Variants in SDK1 observed in about 807,000 individuals in gnomAD.
SDK1 encodes the protein protein sidekick-1.
In SDK1, 157 loss-of-function variants were observed where a neutral mutation model predicts 245.5. The ratio of observed to expected loss-of-function variants is 0.64; its 90% CI spans 0.56 to 0.73. The LOEUF is 0.73. SDK1 is among the 30% of genes least tolerant of loss of function. The probability of loss-of-function intolerance (pLI) is 0.00; values close to 1 mark genes in which losing one functional copy is unlikely to be tolerated. For synonymous variants in SDK1, 1,647 were observed against 1,278.5 expected (o/e 1.29, Z -6.15); for missense variants, 3,583 against 3,002.3 (o/e 1.19, Z -4.52).
At chr7:4,217,145 C>T (rs1329355495) in intron 38 of SDK1, among the ~76,000 whole-genome samples, 3 of 113,668 alleles carry the variant, frequency 2.6e-5, no homozygotes, top group Non-Finnish European at 5.6e-5. Context: ...ACCAGGCCAC[C>T]CGGAGCACCA....
intron 4 of SDK1, among the ~76,000 whole-genome samples, chr7:3,740,917 G>A (rs749223618): frequency 1.3e-5 from 2 of 152,068 alleles, no homozygotes; most frequent in Admixed American, 1.3e-4. Context: ...ATGACATTTT[G>A]TGGTTCATAG....
chr7:3,371,858 C>T (rs766496038), intron 1 of SDK1, among the ~76,000 whole-genome samples: 6 of 152,114 alleles, frequency 3.9e-5, no homozygotes, highest in East Asian at 1.9e-4. Flanking sequence ...CCCTGACAGT[C>T]GGCCAAAATT....
chr7:3,580,489 T>A (rs1375857780), intron 1 of SDK1, among the ~76,000 whole-genome samples: 3 of 152,054 alleles, frequency 2.0e-5, no homozygotes, highest in Non-Finnish European at 4.4e-5. Context: ...GATAAGGCCA[T>A]CACACCTAGA....
chr7:3,794,177 G>A (rs1355283743), intron 4 of SDK1, among the ~76,000 whole-genome samples: 5 of 152,064 alleles, frequency 3.3e-5, no homozygotes, highest in African/African-American at 1.2e-4. Context: ...AAAGGAGAAC[G>A]GCGTGAATGT....
chr7:3,527,112 C>G (rs1783165065), intron 1 of SDK1, among the ~76,000 whole-genome samples: 4 of 152,188 alleles, frequency 2.6e-5, no homozygotes, highest in Admixed American at 2.6e-4. Flanking sequence ...CACATATCTT[C>G]TGATAATTAT....
Position 3,468,405 on chromosome 7 carries a change from C to A in SDK1, c.299-150675C>A, listed in dbSNP as rs977493692. 2.6e-5 allele frequency among the ~76,000 whole-genome samples: 4 copies of A among 152,094 alleles called. 1 individual carries two copies. Among genetic ancestry groups the A allele is most frequent in the African/African-American group, 9.7e-5 (4 of 41,408 alleles). ...TTCTCCTGCCCTCCTGTCTCAGTCG[C>A]ATTCTCCCCCGAATCTACCCATAGA... is the stretch of plus-strand genomic sequence containing the variant. On this transcript the variant is annotated intron_variant, in intron 1 of 44. Transcript: ENST00000404826.
At chr7:3,821,404 G>GTTCCC in intron 4 of SDK1, 46 bp from the exon 5 acceptor site, 2 of 1,575,156 alleles carry the variant, frequency 1.3e-6, no homozygotes, top group Non-Finnish European at 1.7e-6. Flanking sequence ...CAAGTAGGAA[G>GTTCCC]TTCCCTGGAG....
intron 5 of SDK1, among the ~76,000 whole-genome samples, chr7:3,893,881 G>C (rs968305789): frequency 2.0e-5 from 3 of 152,006 alleles, no homozygotes; most frequent in African/African-American, 7.3e-5. Context: ...AATATTTATT[G>C]TCTAACTGAT....
At chr7:4,208,023 G>C (rs1348476169) in intron 36 of SDK1, 76 bp from the exon 37 acceptor site, 6 of 1,128,790 alleles carry the variant, frequency 5.3e-6, no homozygotes, top group African/African-American at 1.6e-5. Context: ...CCCTCGCTTT[G>C]ACCTTACACT....
intron 4 of SDK1, among the ~76,000 whole-genome samples, chr7:3,811,691 G>A (rs1779387656): frequency 6.6e-6 from 1 of 152,214 alleles, no homozygotes; most frequent in Non-Finnish European, 1.5e-5. Flanking sequence ...TCAGGAGGGA[G>A]TTGGATGTGC....
intron 4 of SDK1, among the ~76,000 whole-genome samples, chr7:3,811,183 C>G (rs1002741681): frequency 5.9e-5 from 9 of 152,182 alleles, no homozygotes; most frequent in African/African-American, 2.2e-4. Flanking sequence ...CATCAGTGTC[C>G]TTTTGATGTC....
At chr7:3,898,065 A>G (rs1334503997) in intron 5 of SDK1, among the ~76,000 whole-genome samples, 1 of 152,208 alleles carries the variant, frequency 6.6e-6, no homozygotes, top group Non-Finnish European at 1.5e-5. Context: ...GTGCTACGGT[A>G]TTAGCATGAA....
chr7:3,615,287 G>T (rs1484424095), intron 1 of SDK1, among the ~76,000 whole-genome samples: 1 of 151,648 alleles, frequency 6.6e-6, no homozygotes, highest in African/African-American at 2.4e-5. Context: ...TTGCAGTTCA[G>T]CTTTATTAGA....
chr7:4,220,345 TC>T (rs1453941049), intron 39 of SDK1, 75 bp downstream of exon 39: 16 of 1,484,392 alleles, frequency 1.1e-5, no homozygotes, highest in African/African-American at 8.3e-5. Flanking sequence ...TGAGCTGAGA[TC>T]CATCTACATG....
chr7:4,184,615 C>T (rs543865376), intron 35 of SDK1, among the ~76,000 whole-genome samples: 3 of 152,262 alleles, frequency 2.0e-5, no homozygotes, highest in East Asian at 1.9e-4. Flanking sequence ...AGTTCAAATA[C>T]GTGATACTTA....
chr7:4,147,801 C>T (rs1780079143), intron 29 of SDK1, among the ~76,000 whole-genome samples: 1 of 152,098 alleles, frequency 6.6e-6, no homozygotes, highest in Non-Finnish European at 1.5e-5. Flanking sequence ...GTAATGGCTC[C>T]CAAGCAAACG....
chr7:3,422,600 C>T (rs527423718), intron 1 of SDK1, among the ~76,000 whole-genome samples: 12 of 152,198 alleles, frequency 7.9e-5, no homozygotes, highest in Admixed American at 4.6e-4. Context: ...CGAGACCAGC[C>T]TGGGCAACAT....
intron 4 of SDK1, among the ~76,000 whole-genome samples, chr7:3,789,675 C>A (rs1206937436): frequency 6.6e-6 from 1 of 152,140 alleles, no homozygotes; most frequent in African/African-American, 2.4e-5. Flanking sequence ...ATCTCTTCCT[C>A]CTGAAACCCC....
At chr7:3,722,876 CA>C (rs1778863323) in intron 4 of SDK1, among the ~76,000 whole-genome samples, 3 of 152,208 alleles carry the variant, frequency 2.0e-5, no homozygotes, top group African/African-American at 7.2e-5. Flanking sequence ...CCTCCTCTCT[CA>C]GGACATATGC....
Sources: allele counts gnomAD v4.1 joint callset (sites outside exome capture counted in the v4.1 genomes callset), GRCh38; gene constraint gnomAD v4.1.1; transcripts MANE v1.5; gene names NCBI Gene and HGNC (gene_info 2026-07-23, HGNC 2026-07-21).